MAML1: variants seen among roughly 807,000 people sequenced by gnomAD.
MAML1 encodes mastermind-like protein 1.
In MAML1, 14 loss-of-function variants were observed where a neutral mutation model predicts 77.1. That is an observed-to-expected ratio of 0.18 (90% confidence interval 0.12 to 0.28). The LOEUF is 0.28. Ranked by LOEUF, MAML1 falls within the 10% of genes least tolerant of loss-of-function variation. The pLI is 1.00. For missense variants in MAML1, 1,217 were observed against 1,327.8 expected (o/e 0.92, Z 1.30); for synonymous variants, 516 against 551.9 (o/e 0.93, Z 0.91).
rs371267802 is a variant in MAML1, at chr5:179,774,028, C to T, written c.2202C>T (p.Asn734=). 7 of 1,614,198 alleles carry T rather than the reference C, an allele frequency of 4.3e-6. No individual in the cohort carries two copies. The highest frequency in any genetic ancestry group is 5.1e-6 in the Non-Finnish European group (6 of 1,180,058). ...GHASVSSLPT[N]SGQQDRGVAQ... is the part of the protein sequence containing the mutation. ...CTTCAGTTTCCTCTCTCCCCACAAA[C>T]TCAGGCCAACAGGACCGGGGTGTGG... Residue 734 remains asparagine, a synonymous_variant, in exon 5 of 5, where the codon AAC becomes AAT. Coordinates refer to ENST00000292599, the MANE Select transcript of MAML1 (RefSeq NM_014757.5).
intron 1 of MAML1, among the ~76,000 whole-genome samples, chr5:179,737,292 T>G (rs1178458943): frequency 1.3e-5 from 2 of 152,222 alleles, no homozygotes; most frequent in Non-Finnish European, 2.9e-5. Flanking sequence ...GCTTTGCATT[T>G]GGACTCCAAG....
At chr5:179,746,216 G>A (rs1315836716) in intron 1 of MAML1, among the ~76,000 whole-genome samples, 1 of 142,082 alleles carries the variant, frequency 7.0e-6, no homozygotes, top group Non-Finnish European at 1.5e-5. Flanking sequence ...TGTGGTGGCT[G>A]TTGCCTGTAA....
chr5:179,759,072 G>A (rs1779678078), intron 1 of MAML1, among the ~76,000 whole-genome samples: 1 of 152,136 alleles, frequency 6.6e-6, no homozygotes, highest in Non-Finnish European at 1.5e-5. Flanking sequence ...TCATTTTTCT[G>A]GTAATGACAG....
intron 1 of MAML1, among the ~76,000 whole-genome samples, chr5:179,749,342 T>C (rs1179363014): frequency 6.6e-6 from 1 of 152,164 alleles, no homozygotes; most frequent in African/African-American, 2.4e-5. Flanking sequence ...GTCAGGCTGG[T>C]CTTGAACTCC....
rs553880871 is a variant in MAML1, at chr5:179,742,154, T to A, written c.315+8727T>A. 2.0e-5 allele frequency among the ~76,000 whole-genome samples: 3 copies of A among 150,122 alleles called. No homozygotes were observed. The South Asian group carries it at 6.7e-4, about 34-fold the overall frequency. Reference sequence around the variant, plus strand: ...TCCCAAAGTGCCGGGATTACAGGCGTGAGCCACCGCACCTGGCCAACAAAC... The same window carrying A: ...TCCCAAAGTGCCGGGATTACAGGCGAGAGCCACCGCACCTGGCCAACAAAC... On this transcript the variant is annotated intron_variant, in intron 1 of 4. Transcript: ENST00000292599.
intron 1 of MAML1, among the ~76,000 whole-genome samples, chr5:179,760,403 G>T (rs1779704338): frequency 6.6e-6 from 1 of 152,124 alleles, no homozygotes; most frequent in Non-Finnish European, 1.5e-5. Context: ...GGGAAGAGGT[G>T]CTCTGGGCAA....
chr5:179,761,827 T>C (rs1164091163), intron 1 of MAML1, among the ~76,000 whole-genome samples: 1 of 152,206 alleles, frequency 6.6e-6, no homozygotes, highest in Non-Finnish European at 1.5e-5. Flanking sequence ...TTGCTGGCCT[T>C]GGAGAAAGCA....
At chr5:179,762,372 C>T (rs1041694799) in intron 1 of MAML1, among the ~76,000 whole-genome samples, 24 of 152,038 alleles carry the variant, frequency 1.6e-4, no homozygotes, top group African/African-American at 4.6e-4. Flanking sequence ...TGGCAGGTGG[C>T]GCCTGGAGAG....
chr5:179,768,430 C>G (rs1206737426), intron 2 of MAML1, among the ~76,000 whole-genome samples: 1 of 152,202 alleles, frequency 6.6e-6, no homozygotes, highest in Non-Finnish European at 1.5e-5. Flanking sequence ...GCACTCCAGC[C>G]TGGGCAACAA....
intron 1 of MAML1, among the ~76,000 whole-genome samples, chr5:179,733,767 G>C (rs1381335927): frequency 6.6e-6 from 1 of 152,228 alleles, no homozygotes; most frequent in Non-Finnish European, 1.5e-5. Flanking sequence ...CTGTGATGGA[G>C]GGAGTTCCTG....
At chr5:179,756,434 C>CAAA (rs562720688) in intron 1 of MAML1, among the ~76,000 whole-genome samples, 3 of 108,210 alleles carry the variant, frequency 2.8e-5, no homozygotes, top group East Asian at 2.7e-4. Flanking sequence ...GACTCTGTCT[C>CAAA]AAAAAAAAAA....
rs769958299 is a variant in MAML1 at position 179,766,734 on chromosome 5, C to T, written c.1724C>T (p.Pro575Leu). The change falls in exon 2 of 5, where the codon CCT (proline) becomes CTT (leucine). Residue 575 changes from proline to leucine, a missense_variant. Pro to Leu is a moderately conservative substitution (Grantham distance 98, BLOSUM62 -3). This residue lies in a region of MAML1 where 884 missense variants were observed against 949.3 expected (regional missense o/e 0.93). Coordinates refer to ENST00000292599, the MANE Select transcript of MAML1 (RefSeq NM_014757.5). The surrounding 1 kb of genome is among the most constrained non-coding windows in gnomAD (Gnocchi z 4.0). ...ATGCCTTTCCGATCACTGGTTCCAC[C>T]TGGCCAGGTAAGTATGAGCCTTTGC... ...GNMPFRSLVP[P>L]GQEQNPSSVP... 8 of 1,547,938 alleles carry T rather than the reference C, an allele frequency of 5.2e-6. No individual in the cohort carries two copies. Among genetic ancestry groups the T allele is most frequent in the Non-Finnish European group, 7.0e-6 (8 of 1,144,690 alleles).
intron 1 of MAML1, among the ~76,000 whole-genome samples, chr5:179,739,005 T>C (rs1779226580): frequency 6.6e-6 from 1 of 152,192 alleles, no homozygotes; most frequent in Non-Finnish European, 1.5e-5. Context: ...TTCTCCTCTC[T>C]TCTGATTTCC....
intron 1 of MAML1, among the ~76,000 whole-genome samples, chr5:179,747,582 G>A (rs1385098698): frequency 7.2e-5 from 11 of 152,062 alleles, no homozygotes; most frequent in Admixed American, 2.6e-4. Context: ...AGGCCGAGGC[G>A]GGCGGATCAC....
At chr5:179,761,387 C>G (rs935103749) in intron 1 of MAML1, among the ~76,000 whole-genome samples, 1 of 151,534 alleles carries the variant, frequency 6.6e-6, no homozygotes, top group Non-Finnish European at 1.5e-5. Context: ...CAGAGTGAGA[C>G]CCTGTCTCTT....
intron 1 of MAML1, among the ~76,000 whole-genome samples, chr5:179,737,172 G>A (rs1174014902): frequency 6.6e-6 from 1 of 152,090 alleles, no homozygotes; most frequent in Non-Finnish European, 1.5e-5. Flanking sequence ...AATCAGATGT[G>A]CCATGTTAAG....
In MAML1 at chr5:179,750,769, G is replaced by T. The variant is rs556692681; in HGVS notation, c.316-14557G>T. Among the ~76,000 whole-genome samples, 173 of 152,096 alleles carry T rather than the reference G, an allele frequency of 1.1e-3. 1 individual carries two copies. The highest frequency in any genetic ancestry group is 3.6e-3 in the African/African-American group (149 of 41,502). On this transcript the variant is annotated intron_variant, in intron 1 of 4. Coordinates refer to ENST00000292599, the MANE Select transcript of MAML1 (RefSeq NM_014757.5). ...GACGGCTCTCAGTAGATTCTTATTG[G>T]ATAAATTGAATGAGATGATGAGGAA...
intron 1 of MAML1, among the ~76,000 whole-genome samples, chr5:179,738,717 C>T (rs1317133506): frequency 6.6e-6 from 1 of 152,120 alleles, no homozygotes; most frequent in Non-Finnish European, 1.5e-5. Context: ...CCTTCTACCT[C>T]TTCTATTACT....
intron 1 of MAML1, among the ~76,000 whole-genome samples, chr5:179,759,408 T>C (rs1011667465): frequency 2.6e-5 from 4 of 152,204 alleles, no homozygotes; most frequent in Non-Finnish European, 5.9e-5. Context: ...CTGGGAATAA[T>C]AGGTTAAGAA....
Sources: allele counts gnomAD v4.1 joint callset (sites outside exome capture counted in the v4.1 genomes callset), GRCh38; gene constraint gnomAD v4.1.1; regional missense constraint gnomAD v4.1.1; non-coding constraint Gnocchi (gnomAD v3.1); transcripts MANE v1.5; gene names NCBI Gene and HGNC (gene_info 2026-07-23, HGNC 2026-07-21).